COQ3: variants seen among roughly 807,000 people sequenced by gnomAD.
COQ3 encodes the protein coenzyme Q3, methyltransferase.
In COQ3, 29 loss-of-function variants were observed where a neutral mutation model predicts 33.1. That is an observed-to-expected ratio of 0.88 (90% CI 0.65 to 1.19). COQ3 has a LOEUF of 1.19. COQ3 is among the 50% of genes most tolerant of loss of function. The probability of loss-of-function intolerance (pLI) is 0.00; values close to 1 mark genes in which losing one functional copy is unlikely to be tolerated. For missense variants in COQ3, 437 were observed against 430.7 expected, an observed-to-expected ratio of 1.01 and a Z score of -0.13; for synonymous variants, 173 against 157.8, an observed-to-expected ratio of 1.10 and a Z score of -0.72.
intron 5 of COQ3, among the ~76,000 whole-genome samples, chr6:99,372,306 G>A (rs1034018757): frequency 3.3e-5 from 5 of 152,018 alleles, no homozygotes; most frequent in Non-Finnish European, 7.4e-5. Context: ...TCAGGAGGCT[G>A]AGGCAGGAGA....
chr6:99,388,922 C>T (rs1429743096), intron 1 of COQ3, among the ~76,000 whole-genome samples: 15 of 149,270 alleles, frequency 1.0e-4, no homozygotes, highest in Non-Finnish European at 2.1e-4. Flanking sequence ...CACACACACA[C>T]ACACACACAC....
Position 99,376,170 on chromosome 6 carries a change from G to A in COQ3, c.499C>T (p.Leu167Phe), listed in dbSNP as rs991994112. ...TCGATTCCAATAACTGAAGCCCCAA[G>A]CCGCCCTAGAGGCTAATGGCATTAA... Reference protein sequence around the residue: ...GGLLTEPLGRLGASVIGIDPV... With the variant: ...GGLLTEPLGRFGASVIGIDPV... The change falls in exon 5 of 7, where the codon CTT becomes TTT. Residue 167 changes from leucine to phenylalanine, a missense_variant. Coordinates refer to ENST00000254759, the MANE Select transcript of COQ3 (RefSeq NM_017421.4). 5 of 1,613,842 alleles carry A rather than the reference G, an allele frequency of 3.1e-6. No homozygotes were observed. In the Admixed American group the frequency reaches 6.7e-5, roughly 22 times the overall value.
intron 1 of COQ3, among the ~76,000 whole-genome samples, chr6:99,393,797 T>A (rs746346778): frequency 2.6e-5 from 4 of 151,990 alleles, no homozygotes; most frequent in Non-Finnish European, 4.4e-5. Flanking sequence ...GCAGAGCGGG[T>A]CGCCGGCTCC....
chr6:99,392,602 G>A (rs1278823218), intron 1 of COQ3, among the ~76,000 whole-genome samples: 1 of 150,606 alleles, frequency 6.6e-6, no homozygotes, highest in African/African-American at 2.4e-5. Context: ...ACAGATTCTC[G>A]AGCTGGTCCT....
intron 5 of COQ3, among the ~76,000 whole-genome samples, chr6:99,373,431 T>TG (rs977442227): frequency 2.7e-5 from 4 of 146,332 alleles, no homozygotes; most frequent in Non-Finnish European, 4.5e-5. Flanking sequence ...ATCCTGTCTC[T>TG]GAAAAAAAAA....
chr6:99,369,918 G>C, intron 6 of COQ3, 98 bp from the exon 7 acceptor site: 1 of 775,942 alleles, frequency 1.3e-6, no homozygotes, highest in Non-Finnish European at 2.1e-6. Context: ...AATGCTGAGA[G>C]CACACTAAAT....
At position 99,376,124 on chromosome 6, in the gene COQ3, T is replaced by C; in HGVS notation, c.545A>G (p.Lys182Arg). 1 of 1,614,134 alleles carries C rather than the reference T, an allele frequency of 6.2e-7. No homozygotes were observed. Among genetic ancestry groups the C allele is most frequent in the Non-Finnish European group, 8.5e-7 (1 of 1,180,012 alleles). ...AAATGATTTATGGCATTGTGCTGTT[T>C]TAATGTTCTCATCCACAGGGTCGAT... ...IGIDPVDENI[K>R]TAQCHKSFDP... The change falls in exon 5 of 7, where the codon AAA becomes AGA. Residue 182 changes from lysine to arginine, a missense_variant. Lys to Arg is a conservative substitution (Grantham distance 26). Transcript: ENST00000254759.
At chr6:99,391,098 T>TATTTATTTATTG (rs1554209268) in intron 1 of COQ3, among the ~76,000 whole-genome samples, 107 of 133,764 alleles carry the variant, frequency 8.0e-4, no homozygotes, top group African/African-American at 2.6e-3. Context: ...TTTATTTATT[T>TATTTATTTATTG]ATTTATTTAT....
At chr6:99,372,695 C>A (rs565422930) in intron 5 of COQ3, among the ~76,000 whole-genome samples, 10 of 152,248 alleles carry the variant, frequency 6.6e-5, no homozygotes, top group African/African-American at 1.9e-4. Context: ...GGATTACAGG[C>A]ATGAGCCACT....
chr6:99,381,987 C>T (rs1774487406), intron 2 of COQ3, among the ~76,000 whole-genome samples: 1 of 152,018 alleles, frequency 6.6e-6, no homozygotes, highest in Non-Finnish European at 1.5e-5. Flanking sequence ...CCCCTCATCC[C>T]CTGTCCCCCT....
At chr6:99,379,811 T>C (rs1774414993) in intron 3 of COQ3, among the ~76,000 whole-genome samples, 1 of 151,426 alleles carries the variant, frequency 6.6e-6, no homozygotes, top group Non-Finnish European at 1.5e-5. Flanking sequence ...ATCAAGACGG[T>C]GACATTGCAC....
chr6:99,381,783 A>C (rs1048744814), intron 2 of COQ3, among the ~76,000 whole-genome samples: 1 of 151,996 alleles, frequency 6.6e-6, no homozygotes. Context: ...AAAATTAGCC[A>C]GGTGTGGTGG....
intron 4 of COQ3, among the ~76,000 whole-genome samples, chr6:99,376,832 G>A (rs892190099): frequency 6.6e-6 from 1 of 151,824 alleles, no homozygotes; most frequent in Admixed American, 6.6e-5. Flanking sequence ...GCATGGTGGC[G>A]GCAGCCCGTA....
Position 99,378,826 on chromosome 6 carries a change from C to A in COQ3, c.387-1341G>T, listed in dbSNP as rs551107091. ...CTAATTCTGGATGAACCAGCAAAAA[C>A]CAACCAGGAAGTTCCTTGAGGGCAA... On this transcript the variant is annotated intron_variant, in intron 3 of 6. Transcript: ENST00000254759. Among the ~76,000 whole-genome samples, 4 of 152,218 alleles carry A rather than the reference C, an allele frequency of 2.6e-5. No individual in the cohort carries two copies. In the East Asian group the frequency reaches 7.7e-4, roughly 29 times the overall value.
At chr6:99,369,964 T>C in intron 6 of COQ3, 144 bp from the exon 7 acceptor site, 1 of 617,122 alleles carries the variant, frequency 1.6e-6, no homozygotes, top group Non-Finnish European at 2.8e-6. Context: ...GATTCCTAAC[T>C]TAATGGGCAA....
At chr6:99,376,284 A>C (rs775002915) in intron 4 of COQ3, 102 bp from the exon 5 acceptor site, 2 of 1,211,752 alleles carry the variant, frequency 1.7e-6, no homozygotes, top group Non-Finnish European at 2.3e-6. Flanking sequence ...ATGAGGTGAT[A>C]AATACTGGAC....
At chr6:99,370,367 G>A (rs1205353758) in intron 6 of COQ3, among the ~76,000 whole-genome samples, 1 of 31,554 alleles carries the variant, frequency 3.2e-5, no homozygotes, top group Non-Finnish European at 5.3e-5. Flanking sequence ...TTTTTTTTGT[G>A]AGACAGAGTT....
chr6:99,385,028 T>C (rs899959015), intron 1 of COQ3, among the ~76,000 whole-genome samples: 5 of 152,156 alleles, frequency 3.3e-5, no homozygotes, highest in African/African-American at 1.2e-4. Flanking sequence ...GGAGAATCAC[T>C]GGAACCCGGG....
chr6:99,390,671 A>C (rs541837957), intron 1 of COQ3, among the ~76,000 whole-genome samples: 1 of 152,306 alleles, frequency 6.6e-6, no homozygotes, highest in Admixed American at 6.5e-5. Context: ...AATACATGAA[A>C]ATGGTATCTT....
Sources: allele counts gnomAD v4.1 joint callset (sites outside exome capture counted in the v4.1 genomes callset), GRCh38; gene constraint gnomAD v4.1.1; transcripts MANE v1.5; gene names NCBI Gene and HGNC (gene_info 2026-07-23, HGNC 2026-07-21).